Variants in NRDC observed in about 807,000 individuals in gnomAD.
NRDC encodes the protein nardilysin.
A neutral mutation model predicts 147.1 loss-of-function variants in NRDC; 54 were observed. The ratio of observed to expected loss-of-function variants is 0.37; its 90% CI spans 0.29 to 0.46. The LOEUF (loss-of-function observed/expected upper bound fraction) is 0.46, where lower values mean the gene tolerates loss of function less well. Among genes scored for constraint, NRDC ranks in the 20% least tolerant of loss-of-function variants. NRDC has a pLI of 1.00. For synonymous variants in NRDC, 440 were observed against 482.1 expected (o/e 0.91, Z 1.14); for missense variants, 1,082 against 1,370.6 (o/e 0.79, Z 3.33).
intron 7 of NRDC, among the ~76,000 whole-genome samples, chr1:51,821,870 A>C (rs1227643000): frequency 6.6e-6 from 1 of 152,188 alleles, no homozygotes; most frequent in Non-Finnish European, 1.5e-5. Flanking sequence ...GATTATGCCA[A>C]CCATCCTACG....
At chr1:51,862,126 A>T (rs571415888) in intron 1 of NRDC, 56 of 152,336 alleles carry the variant, frequency 3.7e-4, no homozygotes, top group African/African-American at 1.3e-3. Context: ...CAATGTTAGT[A>T]TTAGCTGATT....
At chr1:51,832,190 G>A (rs1371877317) in intron 4 of NRDC, among the ~76,000 whole-genome samples, 1 of 151,696 alleles carries the variant, frequency 6.6e-6, no homozygotes, top group East Asian at 1.9e-4. Flanking sequence ...GAAATTACAC[G>A]CACATGCTAC....
chr1:51,805,633 T>C, intron 18 of NRDC, 72 bp from the exon 19 acceptor site: 1 of 869,070 alleles, frequency 1.2e-6, no homozygotes, highest in Non-Finnish European at 1.8e-6. Context: ...TATTTTCCCC[T>C]AATATATATA....
chr1:51,846,721 G>C (rs550482478), intron 1 of NRDC, among the ~76,000 whole-genome samples: 1 of 152,348 alleles, frequency 6.6e-6, no homozygotes, highest in South Asian at 2.1e-4. Context: ...CAACAGCGAT[G>C]GAACTCGACC....
At chr1:51,806,271 T>G (rs1679458651) in intron 18 of NRDC, among the ~76,000 whole-genome samples, 1 of 152,226 alleles carries the variant, frequency 6.6e-6, no homozygotes, top group Admixed American at 6.5e-5. Context: ...TTTGTAATGC[T>G]GGACTAGGCT....
At chr1:51,794,222 A>G in intron 24 of NRDC, 1 of 405,916 alleles carries the variant, frequency 2.5e-6, no homozygotes, top group Non-Finnish European at 4.5e-6. Flanking sequence ...ACATGTAGGG[A>G]TTTCCACCCA....
intron 1 of NRDC, chr1:51,861,969 T>A (rs1032776069): frequency 9.9e-5 from 15 of 152,216 alleles, no homozygotes; most frequent in African/African-American, 3.1e-4. Flanking sequence ...AAGCTCTCCA[T>A]GAGTCCATGG....
chr1:51,852,480 T>C (rs1682005680), intron 1 of NRDC, among the ~76,000 whole-genome samples: 1 of 24,470 alleles, frequency 4.1e-5, no homozygotes, highest in Non-Finnish European at 7.9e-5. Context: ...TATATATACA[T>C]TATATATAAC....
intron 1 of NRDC, among the ~76,000 whole-genome samples, chr1:51,846,049 G>A (rs1681553720): frequency 6.6e-6 from 1 of 151,608 alleles, no homozygotes; most frequent in Admixed American, 6.6e-5. Flanking sequence ...AAATCAAATG[G>A]AATGGTAATG....
chr1:51,855,586 G>C (rs1682195835), intron 1 of NRDC, among the ~76,000 whole-genome samples: 2 of 151,748 alleles, frequency 1.3e-5, no homozygotes, highest in Non-Finnish European at 2.9e-5. Flanking sequence ...CATACTGGGA[G>C]GAAAAACTAA....
chr1:51,802,615 C>A (rs188296021), intron 20 of NRDC, among the ~76,000 whole-genome samples: 1 of 152,252 alleles, frequency 6.6e-6, no homozygotes, highest in Non-Finnish European at 1.5e-5. Context: ...CAGTGATCAT[C>A]ATTTTATCAG....
chr1:51,810,460 CTGT>C (rs1351914427), intron 15 of NRDC, 56 bp from the exon 16 acceptor site: 67 of 1,515,180 alleles, frequency 4.4e-5, no homozygotes, highest in Admixed American at 8.3e-5. Context: ...TAATACATCT[CTGT>C]TAAAAAGGCA....
intron 5 of NRDC, among the ~76,000 whole-genome samples, chr1:51,827,099 T>C (rs1680482334): frequency 6.6e-6 from 1 of 152,208 alleles, no homozygotes; most frequent in Non-Finnish European, 1.5e-5. Context: ...CTACTACAGC[T>C]AGGAGGAGCT....
chr1:51,801,179 C>A (rs1679176946), intron 20 of NRDC: 1 of 152,372 alleles, frequency 6.6e-6, no homozygotes, highest in Non-Finnish European at 1.5e-5. Context: ...TTTATCATTT[C>A]ATGGGTGTTC....
intron 1 of NRDC, among the ~76,000 whole-genome samples, chr1:51,846,859 T>C (rs1681649290): frequency 6.6e-6 from 1 of 152,220 alleles, no homozygotes; most frequent in Admixed American, 6.5e-5. Flanking sequence ...GATTGGTCCA[T>C]TTTGACAGGA....
intron 1 of NRDC, among the ~76,000 whole-genome samples, chr1:51,872,633 G>A (rs1683136975): frequency 2.6e-5 from 4 of 152,172 alleles, no homozygotes; most frequent in Admixed American, 2.6e-4. Flanking sequence ...GAACCTGGGA[G>A]GTGGAGGCTG....
chr1:51,865,449 C>T (rs944974588), intron 1 of NRDC, among the ~76,000 whole-genome samples: 2 of 151,844 alleles, frequency 1.3e-5, no homozygotes, highest in Non-Finnish European at 2.9e-5. Flanking sequence ...GGATTACAGG[C>T]ACCCATGATC....
intron 4 of NRDC, among the ~76,000 whole-genome samples, chr1:51,832,195 T>C (rs1680746345): frequency 6.6e-6 from 1 of 151,744 alleles, no homozygotes; most frequent in African/African-American, 2.4e-5. Flanking sequence ...TACACGCACA[T>C]GCTACCAAGC....
intron 14 of NRDC, 32 bp from the exon 15 acceptor site, chr1:51,812,130 C>T: frequency 1.4e-6 from 2 of 1,401,632 alleles, no homozygotes; most frequent in Non-Finnish European, 2.0e-6. Flanking sequence ...CACACCAGAA[C>T]TTCTCCATTA....
Sources: gnomAD v4.1 joint callset for allele counts (sites outside exome capture counted in the v4.1 genomes callset) on GRCh38, gnomAD v4.1.1 for gene constraint, MANE v1.5 for transcripts, NCBI Gene and HGNC (gene_info 2026-07-23, HGNC 2026-07-21) for gene names.